ACOX2: variants seen among roughly 807,000 people sequenced by gnomAD.
ACOX2 encodes acyl-CoA oxidase 2.
Under a neutral mutation model 77.5 loss-of-function variants are expected in ACOX2, and 59 were observed. That is an observed-to-expected ratio of 0.76 (90% CI 0.62 to 0.95). ACOX2 has a LOEUF of 0.95. ACOX2 is among the 40% of genes least tolerant of loss of function. The probability of loss-of-function intolerance (pLI) is 0.00; values close to 1 mark genes in which losing one functional copy is unlikely to be tolerated. For missense variants in ACOX2, 837 were observed against 880.4 expected (o/e 0.95, Z 0.62); for synonymous variants, 317 against 340.1 (o/e 0.93, Z 0.75).
intron 13 of ACOX2, chr3:58,511,184 C>T (rs1367431327): frequency 1.3e-4 from 45 of 356,170 alleles, no homozygotes; most frequent in South Asian, 9.4e-4. Context: ...GTCTTTTCCT[C>T]TTGCATACTG....
intron 8 of ACOX2, among the ~76,000 whole-genome samples, chr3:58,529,856 G>A (rs1024633956): frequency 3.3e-5 from 5 of 152,222 alleles, no homozygotes; most frequent in South Asian, 2.1e-4. Context: ...TGAAATGGCC[G>A]AGCTGAGTGT....
At chr3:58,518,075 CAAA>C (rs763535906) in intron 12 of ACOX2, among the ~76,000 whole-genome samples, 13 of 47,690 alleles carry the variant, frequency 2.7e-4, no homozygotes, top group South Asian at 9.4e-4. Flanking sequence ...AACTCCATCT[CAAA>C]AAAAAAAAAA....
chr3:58,518,804 T>A (rs2063339800), intron 12 of ACOX2, among the ~76,000 whole-genome samples: 1 of 151,806 alleles, frequency 6.6e-6, no homozygotes, highest in Non-Finnish European at 1.5e-5. Flanking sequence ...GGCTTTTTTT[T>A]TTTTTTGTAT....
At position 58,534,502 on chromosome 3, in the gene ACOX2, G is replaced by A. The variant is rs2063466330; in HGVS notation, c.181C>T (p.Pro61Ser). ...RKVESIIHSY[P>S]EFSCKDNYFM... ...TAATTGTCCTTACAGCTAAACTCCG[G>A]GTAACTGTGGATGATGCTCTCTGCA... Residue 61 changes from proline to serine, a missense_variant, in exon 3 of 15, where the codon CCG (proline) becomes TCG (serine). Physicochemically the swap from Pro to Ser is moderately conservative, Grantham distance 74. Transcript: ENST00000302819. The surrounding 1 kb of genome is among the most constrained non-coding windows in gnomAD (Gnocchi z 4.8). 1 of 1,614,170 alleles carries A rather than the reference G, an allele frequency of 6.2e-7. No homozygotes were observed. The highest frequency in any genetic ancestry group is 2.2e-5 in the East Asian group (1 of 44,880).
At chr3:58,506,578 A>G (rs1311381043) in intron 14 of ACOX2, among the ~76,000 whole-genome samples, 1 of 152,130 alleles carries the variant, frequency 6.6e-6, no homozygotes, top group African/African-American at 2.4e-5. Context: ...GGATCATTTG[A>G]GGTTAGGAGT....
In ACOX2 at chr3:58,512,389, C is replaced by CT. The variant is rs2063294655; in HGVS notation, c.1851-3365dup. ...TGCATTAGCGATCCAGCTGATCTCC[C>CT]TGCTTTTCACTCTTAGTTCTTAATA... On this transcript the variant is annotated intron_variant, in intron 13 of 14. Transcript: ENST00000302819. This position sits in a 1 kb window ranked among gnomAD's most constrained non-coding sequence, Gnocchi z 4.8. Among the ~76,000 whole-genome samples, 1 of 152,202 alleles carries CT rather than the reference C, an allele frequency of 6.6e-6. No homozygotes were observed. The highest frequency in any genetic ancestry group is 1.5e-5 in the Non-Finnish European group (1 of 68,038).
intron 12 of ACOX2, among the ~76,000 whole-genome samples, chr3:58,518,549 C>T (rs1258963646): frequency 6.6e-6 from 1 of 152,218 alleles, no homozygotes; most frequent in Non-Finnish European, 1.5e-5. Context: ...CTCGTCAAGA[C>T]AAGCACACAC....
chr3:58,520,908 A>G (rs751739175), intron 12 of ACOX2, among the ~76,000 whole-genome samples: 2 of 152,134 alleles, frequency 1.3e-5, no homozygotes, highest in African/African-American at 2.4e-5. Context: ...GCTATTTCCT[A>G]CCTCTGGGAC....
In ACOX2 at chr3:58,533,865, G is replaced by A; in HGVS notation, c.475+129C>T. 3 of 1,257,960 alleles carry A rather than the reference G, an allele frequency of 2.4e-6. No individual in the cohort carries two copies. Among genetic ancestry groups the A allele is most frequent in the Non-Finnish European group, 3.3e-6 (3 of 916,310 alleles). 77.9% of individuals were successfully genotyped at this position (1,257,960 alleles called of 1,614,324 possible). On this transcript the variant is annotated intron_variant, in intron 4 of 14. Coordinates refer to ENST00000302819, the MANE Select transcript of ACOX2 (RefSeq NM_003500.4). The surrounding 1 kb of genome is among the most constrained non-coding windows in gnomAD (Gnocchi z 5.6). The stretch of plus-strand genomic sequence containing the variant: ...TCCTCAGGACCCTTGACTGCCAGCT[G>A]CTGGAATGTTTTCTTATTAAACATA...
At position 58,535,366 on chromosome 3, in the gene ACOX2, G is replaced by A. The variant is rs1040005901; in HGVS notation, c.-91-169C>T. ...TAGGCATGGTATGCAGCCATTGCTT[G>A]GTACATGTTTGTTCAATACTTGTTA... On this transcript the variant is annotated intron_variant, in intron 1 of 14. Coordinates refer to ENST00000302819, the MANE Select transcript of ACOX2 (RefSeq NM_003500.4). The surrounding 1 kb of genome is among the most constrained non-coding windows in gnomAD (Gnocchi z 4.8). 20 of 522,390 alleles carry A rather than the reference G, an allele frequency of 3.8e-5. No homozygotes were observed. Among genetic ancestry groups the A allele is most frequent in the Non-Finnish European group, 5.8e-5 (17 of 291,420 alleles). 32.4% of individuals were successfully genotyped at this position (522,390 alleles called of 1,614,324 possible). A position where few individuals can be genotyped will look rare whatever the true frequency, so the allele number is the denominator to read the frequency against.
chr3:58,516,850 G>T (rs2107993724), intron 13 of ACOX2, among the ~76,000 whole-genome samples: 1 of 150,862 alleles, frequency 6.6e-6, no homozygotes, highest in East Asian at 1.9e-4. Flanking sequence ...AAAAAGAAAA[G>T]AAAAAAAAAG....
rs2063368423 is a variant in ACOX2, at chr3:58,522,850, G to A, written c.1527-249C>T. 4 of 438,920 alleles carry A rather than the reference G, an allele frequency of 9.1e-6. No individual in the cohort carries two copies. The highest frequency in any genetic ancestry group is 6.6e-4 in the Middle Eastern group (1 of 1,514). 27.2% of individuals were successfully genotyped at this position (438,920 alleles called of 1,614,324 possible). On this transcript the variant is annotated intron_variant, in intron 11 of 14. Coordinates refer to ENST00000302819, the MANE Select transcript of ACOX2 (RefSeq NM_003500.4). This position sits in a 1 kb window ranked among gnomAD's most constrained non-coding sequence, Gnocchi z 4.3. ...TCCAGGGTCACACAGCTAGTAAGGA[G>A]TGGAGCCAGGATTTTGACTTGTTGT...
At chr3:58,510,982 C>A in intron 13 of ACOX2, 1 of 456,538 alleles carries the variant, frequency 2.2e-6, no homozygotes, top group Non-Finnish European at 4.4e-6. Context: ...TTCTTACCAT[C>A]TCTTTGATCC....
intron 13 of ACOX2, among the ~76,000 whole-genome samples, chr3:58,509,228 T>TA (rs138206747): frequency 0.14 from 21,346 of 152,090 alleles, 1,888 homozygotes; most frequent in Non-Finnish European, 0.19. Flanking sequence ...AAGGCTTGTT[T>TA]AAAAAAACAG....
rs1254025165 is a variant in ACOX2, at chr3:58,510,691, TATATATATATATATATATACAC to T, written c.1851-1688_1851-1667del. On this transcript the variant is annotated intron_variant, in intron 13 of 14. Transcript: ENST00000302819. ...ATATATATATATATATATATATATATATATATATATATATATATACACACACACACACACACACACACACACA... is the reference window on the plus strand; with the variant it reads ...ATATATATATATATATATATATATATACACACACACACACACACACACACA... Among the ~76,000 whole-genome samples the T allele has an allele frequency of 3.4e-3, 64 of 18,898 alleles. 8 individuals carry two copies. The highest frequency in any genetic ancestry group is 4.7e-3 in the African/African-American group (19 of 4,060). The allele number at this position is 18,898 out of a possible 152,430, so 12.4% of individuals were successfully genotyped here. A position where few individuals can be genotyped will look rare whatever the true frequency, so the allele number is the denominator to read the frequency against.
chr3:58,527,736 CTGGAG>C (rs1328160528), intron 9 of ACOX2, among the ~76,000 whole-genome samples: 2 of 152,106 alleles, frequency 1.3e-5, no homozygotes, highest in Non-Finnish European at 2.9e-5. Context: ...TCAGGCTGGA[CTGGAG>C]TGCAGTGGCA....
rs999275466 is a variant in ACOX2 at position 58,517,342 on chromosome 3, G to T, written c.1714C>A (p.Leu572Ile). ...GCATGGAGGTCACAGAGGCGCTTGA[G>T]CACCTGCTGAATCGCTGGTTCATTT... ...LENEPAIQQV[L>I]KRLCDLHAIH... Residue 572 changes from leucine (L) to isoleucine (I), a missense_variant, in exon 13 of 15, where the codon CTC (leucine) becomes ATC (isoleucine). By Grantham distance (5) the Leu-to-Ile change is conservative. Coordinates refer to ENST00000302819, the MANE Select transcript of ACOX2 (RefSeq NM_003500.4). The T allele has an allele frequency of 3.1e-6, 5 of 1,614,186 alleles. No homozygotes were observed. The highest frequency in any genetic ancestry group is 4.2e-6 in the Non-Finnish European group (5 of 1,180,036).
Position 58,514,361 on chromosome 3 carries a change from C to A in ACOX2, c.1850+2845G>T, listed in dbSNP as rs1199952463. Among the ~76,000 whole-genome samples, 2 of 152,192 alleles carry A rather than the reference C, an allele frequency of 1.3e-5. No homozygotes were observed. Among genetic ancestry groups the A allele is most frequent in the African/African-American group, 2.4e-5 (1 of 41,448 alleles). The stretch of plus-strand genomic sequence containing the variant: ...TTTCGGGAAAGAACAGAAGTAAATG[C>A]ATAGTTTAATCTGTCATCTTTACCT... On this transcript the variant is annotated intron_variant, in intron 13 of 14. Coordinates refer to ENST00000302819, the MANE Select transcript of ACOX2 (RefSeq NM_003500.4). The surrounding 1 kb of genome is among the most constrained non-coding windows in gnomAD (Gnocchi z 4.3).
chr3:58,534,854 G>A lies in ACOX2; in HGVS notation c.160+93C>T, dbSNP rs2108013496. Reference sequence around the variant, plus strand: ...CAGTGGAATTTCAAGGGCAAAGTTTGTTATTTGGAAGCAGAACTGCTAATG... The same window carrying A: ...CAGTGGAATTTCAAGGGCAAAGTTTATTATTTGGAAGCAGAACTGCTAATG... On this transcript the variant is annotated intron_variant, in intron 2 of 14. Coordinates refer to ENST00000302819, the MANE Select transcript of ACOX2 (RefSeq NM_003500.4). The surrounding 1 kb of genome is among the most constrained non-coding windows in gnomAD (Gnocchi z 4.8). The A allele has an allele frequency of 1.9e-6, 3 of 1,568,960 alleles. No homozygotes were observed. The highest frequency in any genetic ancestry group is 2.6e-6 in the Non-Finnish European group (3 of 1,148,412).
Sources: gnomAD v4.1 joint callset for allele counts (sites outside exome capture counted in the v4.1 genomes callset) on GRCh38, gnomAD v4.1.1 for gene constraint, Gnocchi (gnomAD v3.1) non-coding constraint, MANE v1.5 for transcripts, NCBI Gene and HGNC (gene_info 2026-07-23, HGNC 2026-07-21) for gene names.